The following DCC variants were observed in gnomAD, a reference collection of about 807,000 sequenced individuals.
DCC encodes DCC netrin 1 receptor.
In DCC, 58 loss-of-function variants were observed where a neutral mutation model predicts 172.5. The observed-to-expected ratio is 0.34, with a 90% CI of 0.27 to 0.42. DCC has a LOEUF of 0.42. Ranked by LOEUF, DCC falls within the 10% of genes least tolerant of loss-of-function variation. The pLI is 1.00. For missense variants in DCC, 1,740 were observed against 1,791.0 expected (o/e 0.97, Z 0.51); for synonymous variants, 709 against 644.5 (o/e 1.10, Z -1.52).
At chr18:53,021,749 AC>A (rs985100955) in intron 5 of DCC, among the ~76,000 whole-genome samples, 4 of 152,258 alleles carry the variant, frequency 2.6e-5, no homozygotes, top group Non-Finnish European at 4.4e-5. Context: ...AAAGCACGTC[AC>A]TGTTAATTCT....
At chr18:52,639,406 C>T (rs893624662) in intron 1 of DCC, among the ~76,000 whole-genome samples, 2 of 151,870 alleles carry the variant, frequency 1.3e-5, no homozygotes, top group East Asian at 1.9e-4. Context: ...ACTGATAGAC[C>T]GTTGGCAAGA....
At chr18:52,991,196 A>G (rs1301375386) in intron 5 of DCC, among the ~76,000 whole-genome samples, 2 of 152,216 alleles carry the variant, frequency 1.3e-5, no homozygotes, top group Non-Finnish European at 2.9e-5. Flanking sequence ...AACCTGTGGC[A>G]TATAGCAGCA....
At chr18:52,410,659 T>C (rs1386548819) in intron 1 of DCC, among the ~76,000 whole-genome samples, 3 of 152,112 alleles carry the variant, frequency 2.0e-5, no homozygotes, top group Non-Finnish European at 2.9e-5. Context: ...TTCCTTCCAG[T>C]TTGAAAGCCT....
chr18:52,979,238 G>C (rs1238685445), intron 5 of DCC, among the ~76,000 whole-genome samples: 1 of 152,158 alleles, frequency 6.6e-6, no homozygotes, highest in Non-Finnish European at 1.5e-5. Context: ...TAGTCATTAA[G>C]GTAGTTTCCT....
intron 1 of DCC, among the ~76,000 whole-genome samples, chr18:52,563,784 C>T (rs1388744128): frequency 6.6e-6 from 1 of 152,132 alleles, no homozygotes; most frequent in Non-Finnish European, 1.5e-5. Flanking sequence ...TTAGCACTTC[C>T]TGTTTCCTGG....
At chr18:53,317,833 C>T (rs56931789) in intron 13 of DCC, among the ~76,000 whole-genome samples, 6,522 of 152,080 alleles carry the variant, frequency 0.043, 453 homozygotes, top group African/African-American at 0.15. Flanking sequence ...GGTGATCTCC[C>T]CTGTATCATC....
chr18:52,655,609 T>A (rs1291212128), intron 1 of DCC, among the ~76,000 whole-genome samples: 2 of 152,090 alleles, frequency 1.3e-5, no homozygotes, highest in African/African-American at 4.8e-5. Context: ...TAATGTGGTG[T>A]TGAAAATGGC....
intron 1 of DCC, among the ~76,000 whole-genome samples, chr18:52,489,157 A>G (rs1011017892): frequency 6.6e-6 from 1 of 152,072 alleles, no homozygotes; most frequent in Admixed American, 6.6e-5. Context: ...TGATTCAGTA[A>G]GTTTGAGGTA....
chr18:52,973,170 C>G (rs2041059047), intron 5 of DCC, among the ~76,000 whole-genome samples: 1 of 152,096 alleles, frequency 6.6e-6, no homozygotes, highest in Non-Finnish European at 1.5e-5. Context: ...CTTTCTTTAT[C>G]TAGATCTTTA....
chr18:53,508,525 G>A (rs1394037386), intron 27 of DCC, among the ~76,000 whole-genome samples: 2 of 152,156 alleles, frequency 1.3e-5, no homozygotes, highest in Admixed American at 1.3e-4. Context: ...CGATAACCTA[G>A]TATGCTCTTG....
intron 2 of DCC, among the ~76,000 whole-genome samples, chr18:52,760,194 C>T (rs1212538002): frequency 6.6e-6 from 1 of 152,134 alleles, no homozygotes; most frequent in Non-Finnish European, 1.5e-5. Flanking sequence ...CAAACATATC[C>T]TTCTTCACAT....
intron 2 of DCC, among the ~76,000 whole-genome samples, chr18:52,863,954 G>A (rs2039182514): frequency 3.9e-5 from 6 of 152,054 alleles, no homozygotes; most frequent in Admixed American, 3.9e-4. Flanking sequence ...TTTACCAGAA[G>A]ACTGCTAAAG....
chr18:53,224,980 T>C (rs576826630), intron 12 of DCC, among the ~76,000 whole-genome samples: 2 of 152,216 alleles, frequency 1.3e-5, no homozygotes, highest in East Asian at 1.9e-4. Flanking sequence ...AGAAAAAATA[T>C]GGCAGAAATT....
chr18:52,932,744 TATAG>T (rs2040325464), intron 5 of DCC, among the ~76,000 whole-genome samples: 1 of 152,022 alleles, frequency 6.6e-6, no homozygotes, highest in African/African-American at 2.4e-5. Flanking sequence ...AATATTTATA[TATAG>T]ATATAGATAT....
At chr18:52,571,788 G>A (rs989270406) in intron 1 of DCC, among the ~76,000 whole-genome samples, 6 of 152,188 alleles carry the variant, frequency 3.9e-5, no homozygotes, top group South Asian at 2.1e-4. Context: ...AATCCCTTGG[G>A]AAACTGGTTC....
At chr18:52,940,585 T>A (rs2040446630) in intron 5 of DCC, among the ~76,000 whole-genome samples, 1 of 152,212 alleles carries the variant, frequency 6.6e-6, no homozygotes, top group East Asian at 1.9e-4. Flanking sequence ...GAAGCTGTTC[T>A]AGCTGGGGAG....
intron 1 of DCC, among the ~76,000 whole-genome samples, chr18:52,564,417 T>C (rs2033107130): frequency 6.6e-6 from 1 of 152,136 alleles, no homozygotes; most frequent in Admixed American, 6.6e-5. Context: ...GCACTAATAG[T>C]CATCGTGTTT....
At chr18:52,449,140 C>G (rs1988221877) in intron 1 of DCC, among the ~76,000 whole-genome samples, 1 of 152,176 alleles carries the variant, frequency 6.6e-6, no homozygotes, top group Non-Finnish European at 1.5e-5. Flanking sequence ...GGAAAACTCC[C>G]CATTATAAAA....
chr18:52,557,005 T>G, intron 1 of DCC, among the ~76,000 whole-genome samples: 1 of 152,206 alleles, frequency 6.6e-6, no homozygotes. Context: ...CTTCATAGAT[T>G]GAAATACGTA....
Sources: gnomAD v4.1 joint callset for allele counts (sites outside exome capture counted in the v4.1 genomes callset) on GRCh38, gnomAD v4.1.1 for gene constraint, MANE v1.5 for transcripts, NCBI Gene and HGNC (gene_info 2026-07-23, HGNC 2026-07-21) for gene names.